Variants in SMAGP observed in about 807,000 individuals in gnomAD.
SMAGP encodes small cell adhesion glycoprotein.
A neutral mutation model predicts 10.1 loss-of-function variants in SMAGP; 7 were observed. The observed-to-expected ratio is 0.70, with a 90% CI of 0.40 to 1.31. SMAGP has a LOEUF of 1.31. Ranked by LOEUF, SMAGP falls within the 50% of genes most tolerant of loss-of-function variation. The pLI, the probability that SMAGP is intolerant of heterozygous loss-of-function variation, is 0.01. For missense variants in SMAGP, 113 were observed against 116.5 expected, an observed-to-expected ratio of 0.97 and a Z score of 0.14; for synonymous variants, 49 against 47.2, an observed-to-expected ratio of 1.04 and a Z score of -0.16.
At chr12:51,269,380 A>T in intron 1 of SMAGP, 64 bp from the exon 2 acceptor site, 1 of 1,348,308 alleles carries the variant, frequency 7.4e-7, no homozygotes, top group Non-Finnish European at 1.1e-6. Context: ...GAGTCCTGGA[A>T]GTCCCAGGAA....
At chr12:51,267,163 C>T (rs1944981859) in intron 2 of SMAGP, among the ~76,000 whole-genome samples, 1 of 152,096 alleles carries the variant, frequency 6.6e-6, no homozygotes, top group Non-Finnish European at 1.5e-5. Flanking sequence ...CTCCCCCTTG[C>T]CAAGGTTCTA....
chr12:51,246,962 T>C, intron 2 of SMAGP, 131 bp from the exon 3 acceptor site: 1 of 544,128 alleles, frequency 1.8e-6, no homozygotes. Context: ...TCCTAGAGTA[T>C]ATCCAAATAG....
chr12:51,260,840 C>A (rs1184229821), intron 2 of SMAGP, among the ~76,000 whole-genome samples: 1 of 147,238 alleles, frequency 6.8e-6, no homozygotes, highest in African/African-American at 2.5e-5. Context: ...CGCCCACCAC[C>A]ACGCCCAGCT....
At chr12:51,256,832 A>G (rs901377166) in intron 2 of SMAGP, among the ~76,000 whole-genome samples, 7 of 151,702 alleles carry the variant, frequency 4.6e-5, no homozygotes, top group African/African-American at 1.5e-4. Flanking sequence ...TTGAAAAGTC[A>G]TTAGATATTT....
At chr12:51,260,439 G>GA (rs1334884111) in intron 2 of SMAGP, among the ~76,000 whole-genome samples, 1 of 150,954 alleles carries the variant, frequency 6.6e-6, no homozygotes, top group Non-Finnish European at 1.5e-5. Flanking sequence ...TGCAGTGGCA[G>GA]AATCTCGGCT....
At chr12:51,259,628 TA>T (rs1289695533) in intron 2 of SMAGP, among the ~76,000 whole-genome samples, 38 of 152,116 alleles carry the variant, frequency 2.5e-4, no homozygotes, top group Middle Eastern at 3.4e-3. Flanking sequence ...GGGGGGTCCC[TA>T]AAAAAACCAC....
At chr12:51,267,850 A>AGT (rs1371402089) in intron 2 of SMAGP, among the ~76,000 whole-genome samples, 1 of 152,162 alleles carries the variant, frequency 6.6e-6, no homozygotes, top group Non-Finnish European at 1.5e-5. Context: ...GTGCATTACC[A>AGT]GTCACAGAGG....
At chr12:51,256,770 C>T (rs1260378741) in intron 2 of SMAGP, among the ~76,000 whole-genome samples, 7 of 117,482 alleles carry the variant, frequency 6.0e-5, no homozygotes, top group Non-Finnish European at 8.8e-5. Context: ...CAAAACCTCC[C>T]CCCCACCCAA....
intron 2 of SMAGP, among the ~76,000 whole-genome samples, chr12:51,253,950 G>C (rs1944864637): frequency 6.6e-6 from 1 of 152,184 alleles, no homozygotes; most frequent in African/African-American, 2.4e-5. Context: ...CCACTTATAT[G>C]ATGTGCTTAG....
chr12:51,258,543 G>A (rs1047752464), intron 2 of SMAGP, among the ~76,000 whole-genome samples: 7 of 151,630 alleles, frequency 4.6e-5, no homozygotes, highest in Non-Finnish European at 1.0e-4. Context: ...AGTGATCTGA[G>A]ATCGTGCCAT....
At chr12:51,254,906 G>A (rs1944872566) in intron 2 of SMAGP, among the ~76,000 whole-genome samples, 1 of 152,178 alleles carries the variant, frequency 6.6e-6, no homozygotes, top group Non-Finnish European at 1.5e-5. Flanking sequence ...GGGAGAGGAG[G>A]AGCAGAGAAA....
intron 1 of SMAGP, chr12:51,269,863 C>A (rs889969561): frequency 2.0e-5 from 3 of 152,220 alleles, no homozygotes; most frequent in African/African-American, 4.8e-5. Context: ...CTGGCCGCCC[C>A]CTCCGGGCCT....
At chr12:51,259,934 T>A (rs1383309809) in intron 2 of SMAGP, among the ~76,000 whole-genome samples, 2 of 152,116 alleles carry the variant, frequency 1.3e-5, no homozygotes, top group Non-Finnish European at 2.9e-5. Context: ...ACGCTGGTCT[T>A]GAACTCCTGG....
chr12:51,253,881 A>G (rs1431096090), intron 2 of SMAGP, among the ~76,000 whole-genome samples: 1 of 152,098 alleles, frequency 6.6e-6, no homozygotes, highest in Non-Finnish European at 1.5e-5. Flanking sequence ...ACTCCAGCCC[A>G]GGCGAAAGAG....
chr12:51,250,209 A>T (rs1208236803), intron 2 of SMAGP, among the ~76,000 whole-genome samples: 1 of 146,904 alleles, frequency 6.8e-6, no homozygotes, highest in East Asian at 2.0e-4. Flanking sequence ...GTCTACAAAA[A>T]AAAAAAAAAA....
intron 1 of SMAGP, chr12:51,270,043 G>A (rs934204653): frequency 6.7e-6 from 1 of 149,744 alleles, no homozygotes; most frequent in Non-Finnish European, 1.5e-5. Context: ...CCCCCGCCCC[G>A]AGCCCCCCGC....
At chr12:51,267,661 T>C (rs1021561819) in intron 2 of SMAGP, among the ~76,000 whole-genome samples, 1 of 152,152 alleles carries the variant, frequency 6.6e-6, no homozygotes, top group South Asian at 2.1e-4. Context: ...GCCCGGCTAA[T>C]TTTTAAATTT....
intron 2 of SMAGP, among the ~76,000 whole-genome samples, chr12:51,257,879 G>A (rs1164855824): frequency 1.3e-5 from 2 of 152,150 alleles, no homozygotes; most frequent in South Asian, 2.1e-4. Context: ...ACTGGGCCCA[G>A]TGGTTTGCAC....
At chr12:51,264,023 C>T (rs201314968) in intron 2 of SMAGP, among the ~76,000 whole-genome samples, 1 of 151,736 alleles carries the variant, frequency 6.6e-6, no homozygotes, top group Admixed American at 6.6e-5. Context: ...GAAGGAGGAG[C>T]CCACAAAGAC....
Sources: gnomAD v4.1 joint callset for allele counts (sites outside exome capture counted in the v4.1 genomes callset) on GRCh38, gnomAD v4.1.1 for gene constraint, MANE v1.5 for transcripts, NCBI Gene and HGNC (gene_info 2026-07-23, HGNC 2026-07-21) for gene names.